The following PDE4D variants were observed in gnomAD, a reference collection of about 807,000 sequenced individuals.
PDE4D encodes 3',5'-cyclic-AMP phosphodiesterase 4D.
A neutral mutation model predicts 87.4 loss-of-function variants in PDE4D; 24 were observed. The ratio of observed to expected loss-of-function variants is 0.27; its 90% CI spans 0.20 to 0.39. PDE4D has a LOEUF of 0.39. PDE4D is among the 10% of genes least tolerant of loss of function. The pLI, the probability that PDE4D is intolerant of heterozygous loss-of-function variation, is 1.00. For synonymous variants in PDE4D, 384 were observed against 383.2 expected (o/e 1.00, Z -0.02); for missense variants, 714 against 1,041.0 (o/e 0.69, Z 4.32).
chr5:59,436,267 TCA>T (rs989568729), intron 1 of PDE4D, among the ~76,000 whole-genome samples: 2 of 152,154 alleles, frequency 1.3e-5, no homozygotes, highest in Non-Finnish European at 2.9e-5. Context: ...ATGAAGGTCA[TCA>T]CAGTGTCTTA....
chr5:60,431,051 T>G, intron 1 of PDE4D: 1 of 251,876 alleles, frequency 4.0e-6, no homozygotes, highest in South Asian at 3.4e-5. Context: ...CTCAATGAGC[T>G]GTTGGGTACA....
intron 5 of PDE4D, among the ~76,000 whole-genome samples, chr5:59,065,258 C>T (rs1763759417): frequency 6.6e-6 from 1 of 152,038 alleles, no homozygotes; most frequent in South Asian, 2.1e-4. Flanking sequence ...CATGATCTCA[C>T]TTACATGTAT....
intron 3 of PDE4D, among the ~76,000 whole-genome samples, chr5:59,907,552 C>T (rs1752976811): frequency 1.3e-5 from 2 of 151,982 alleles, no homozygotes; most frequent in South Asian, 4.2e-4. Context: ...CACTAGCTTA[C>T]CTATATAACA....
chr5:60,444,190 A>G (rs1721490452), intron 1 of PDE4D, among the ~76,000 whole-genome samples: 1 of 152,158 alleles, frequency 6.6e-6, no homozygotes, highest in African/African-American at 2.4e-5. Context: ...AGTTGACATT[A>G]TGGCTTCACC....
chr5:59,049,985 C>T (rs1761286192), intron 5 of PDE4D, among the ~76,000 whole-genome samples: 2 of 152,128 alleles, frequency 1.3e-5, no homozygotes, highest in Admixed American at 6.5e-5. Context: ...AACACACAGC[C>T]GGGCATGGTG....
chr5:59,177,028 C>T (rs1017170942), intron 5 of PDE4D, among the ~76,000 whole-genome samples: 1 of 152,182 alleles, frequency 6.6e-6, no homozygotes, highest in African/African-American at 2.4e-5. Flanking sequence ...TCGTTTGTGT[C>T]TTTGTCCTAT....
chr5:60,392,337 G>A (rs1334833377), intron 1 of PDE4D, among the ~76,000 whole-genome samples: 1 of 152,150 alleles, frequency 6.6e-6, no homozygotes, highest in African/African-American at 2.4e-5. Flanking sequence ...TGACAATATT[G>A]TACAGACAAT....
At chr5:59,731,079 T>C (rs1303465521) in intron 1 of PDE4D, among the ~76,000 whole-genome samples, 1 of 152,074 alleles carries the variant, frequency 6.6e-6, no homozygotes, top group African/African-American at 2.4e-5. Context: ...TTCTTATTTA[T>C]ATAAGCCTAA....
chr5:59,684,408 T>C (rs1365021862), intron 1 of PDE4D, among the ~76,000 whole-genome samples: 1 of 152,108 alleles, frequency 6.6e-6, no homozygotes, highest in Non-Finnish European at 1.5e-5. Context: ...TTTTTTTGAA[T>C]AAATGGATAA....
intron 1 of PDE4D, among the ~76,000 whole-genome samples, chr5:59,565,039 C>A (rs1435961369): frequency 6.6e-6 from 1 of 152,172 alleles, no homozygotes; most frequent in Non-Finnish European, 1.5e-5. Flanking sequence ...CTTTAAGAAG[C>A]TGCAAAACAC....
At chr5:59,538,905 A>T (rs1246260257) in intron 1 of PDE4D, among the ~76,000 whole-genome samples, 2 of 152,150 alleles carry the variant, frequency 1.3e-5, no homozygotes. Context: ...CCAACTTTGC[A>T]TATGCTCTTG....
At chr5:59,536,022 T>C (rs1222382192) in intron 1 of PDE4D, among the ~76,000 whole-genome samples, 1 of 152,228 alleles carries the variant, frequency 6.6e-6, no homozygotes, top group Admixed American at 6.5e-5. Context: ...AAAGTTGATC[T>C]CTTCCAAGAC....
intron 1 of PDE4D, among the ~76,000 whole-genome samples, chr5:60,416,787 G>A (rs1347487157): frequency 6.6e-6 from 1 of 152,202 alleles, no homozygotes; most frequent in Non-Finnish European, 1.5e-5. Flanking sequence ...GGCTTTAGAG[G>A]ATAATGAACT....
At chr5:58,986,183 C>T (rs1045759082) in intron 11 of PDE4D, among the ~76,000 whole-genome samples, 13 of 152,192 alleles carry the variant, frequency 8.5e-5, no homozygotes, top group African/African-American at 3.1e-4. Context: ...AGTTATCCTT[C>T]CATCCCAGGC....
intron 2 of PDE4D, among the ~76,000 whole-genome samples, chr5:60,031,830 A>G (rs952823159): frequency 6.6e-6 from 1 of 152,196 alleles, no homozygotes; most frequent in African/African-American, 2.4e-5. Flanking sequence ...GGTTAAAGTA[A>G]TTGGAATTAT....
intron 1 of PDE4D, among the ~76,000 whole-genome samples, chr5:60,253,999 T>C (rs966019075): frequency 2.0e-5 from 3 of 151,948 alleles, no homozygotes; most frequent in African/African-American, 7.2e-5. Flanking sequence ...AAAAGAATCA[T>C]CAATCAACCT....
intron 3 of PDE4D, among the ~76,000 whole-genome samples, chr5:59,965,919 G>A (rs894101139): frequency 6.6e-6 from 1 of 152,172 alleles, no homozygotes; most frequent in African/African-American, 2.4e-5. Flanking sequence ...CCCACAGGCT[G>A]TAGTGTGACA....
At chr5:59,616,916 T>TACATATATATATATATATATAC (rs1340657446) in intron 1 of PDE4D, among the ~76,000 whole-genome samples, 1 of 101,698 alleles carries the variant, frequency 9.8e-6, no homozygotes, top group East Asian at 3.0e-4. Flanking sequence ...ACCTAATAAT[T>TACATATATATATATATATATAC]ACATATATAT....
chr5:59,586,185 C>T, intron 1 of PDE4D: 1 of 567,556 alleles, frequency 1.8e-6, no homozygotes, highest in Non-Finnish European at 3.1e-6. Flanking sequence ...ATTACTTTCT[C>T]AGACAATATT....
Sources: allele counts gnomAD v4.1 joint callset (sites outside exome capture counted in the v4.1 genomes callset), GRCh38; gene constraint gnomAD v4.1.1; transcripts MANE v1.5; gene names NCBI Gene and HGNC (gene_info 2026-07-23, HGNC 2026-07-21).